Variants in NKX2-5 observed in about 807,000 individuals in gnomAD.
The protein encoded by NKX2-5 is homeobox protein Nkx-2.5.
A neutral mutation model predicts 24.5 loss-of-function variants in NKX2-5; 3 were observed. The ratio of observed to expected loss-of-function variants is 0.12; its 90% CI spans 0.06 to 0.32. The LOEUF (loss-of-function observed/expected upper bound fraction) is 0.32. Among genes scored for constraint, NKX2-5 ranks in the 10% least tolerant of loss-of-function variants. The probability of loss-of-function intolerance (pLI) is 1.00; values close to 1 mark genes in which losing one functional copy is unlikely to be tolerated. For missense variants in NKX2-5, 429 were observed against 452.4 expected, an observed-to-expected ratio of 0.95 and a Z score of 0.47; for synonymous variants, 215 against 217.6, an observed-to-expected ratio of 0.99 and a Z score of 0.11.
rs371380388 is a variant in NKX2-5, at chr5:173,232,639, G to A, written c.905C>T (p.Ala302Val). The part of the protein sequence containing the change: ...FVNFGVGDLN[A>V]VQSPGIPQSN... ...CTGCGGAATCCCGGGGCTCTGAACC[G>A]CATTCAAGTCCCCGACGCCGAAGTT... is the stretch of plus-strand genomic sequence containing the variant. The change falls in exon 2 of 2, where the codon GCG (alanine) becomes GTG (valine). Residue 302 changes from alanine to valine, a missense_variant. By Grantham distance (64) the Ala-to-Val change is moderately conservative (BLOSUM62 0). This residue lies in a region of NKX2-5 where 183 missense variants were observed against 185.9 expected (regional missense o/e 0.98). Coordinates refer to ENST00000329198, the MANE Select transcript of NKX2-5 (RefSeq NM_004387.4). The surrounding 1 kb of genome is among the most constrained non-coding windows in gnomAD (Gnocchi z 5.9). The A allele has an allele frequency of 2.5e-6, 4 of 1,613,104 alleles. No individual in the cohort carries two copies. Among genetic ancestry groups the A allele is most frequent in the South Asian group, 1.1e-5 (1 of 91,078 alleles).
In NKX2-5 at chr5:173,235,157, C is replaced by T; in HGVS notation, c.-74G>A. 5 of 1,452,406 alleles carry T rather than the reference C, an allele frequency of 3.4e-6. No homozygotes were observed. Among genetic ancestry groups the T allele is most frequent in the South Asian group, 1.4e-5 (1 of 73,980 alleles). 90.0% of individuals were successfully genotyped at this position (1,452,406 alleles called of 1,614,324 possible). ...CTGCCCACGGCCCCTGGCAGCTTCC[C>T]TGCATGGTGCCGCCGCCCGCCCGCG... On this transcript the variant is annotated 5_prime_UTR_variant, in exon 1 of 2. Coordinates refer to ENST00000329198, the MANE Select transcript of NKX2-5 (RefSeq NM_004387.4).
In NKX2-5 at chr5:173,235,151, G is replaced by A. The variant is rs1761450784; in HGVS notation, c.-68C>T. Reference sequence around the variant, plus strand: ...GCGGCGCTGCCCACGGCCCCTGGCAGCTTCCCTGCATGGTGCCGCCGCCCG... The same window carrying A: ...GCGGCGCTGCCCACGGCCCCTGGCAACTTCCCTGCATGGTGCCGCCGCCCG... On this transcript the variant is annotated 5_prime_UTR_variant, in exon 1 of 2. Coordinates refer to ENST00000329198, the MANE Select transcript of NKX2-5 (RefSeq NM_004387.4). 1.3e-6 allele frequency: 2 copies of A among 1,496,454 alleles called. No individual in the cohort carries two copies. Among genetic ancestry groups the A allele is most frequent in the African/African-American group, 2.8e-5 (2 of 70,358 alleles). 92.7% of individuals were successfully genotyped at this position (1,496,454 alleles called of 1,614,324 possible). A position where few individuals can be genotyped will look rare whatever the true frequency, so the allele number is the denominator to read the frequency against.
intron 1 of NKX2-5, chr5:173,233,482 C>T (rs1327614493): frequency 1.0e-5 from 11 of 1,048,712 alleles, no homozygotes; most frequent in East Asian, 2.7e-5. Context: ...GGGAGACAGA[C>T]GGTGACTTAA....
chr5:173,234,351 G>T, intron 1 of NKX2-5: 1 of 965,218 alleles, frequency 1.0e-6, no homozygotes, highest in Non-Finnish European at 1.2e-6. Context: ...TTTCTGTTTA[G>T]CGGTTCTCAT....
chr5:173,235,205 G>A lies in NKX2-5; in HGVS notation c.-122C>T. The stretch of plus-strand genomic sequence containing the variant: ...GCGCACCCGTCGGCCAGCTCTGGAT[G>A]TGTCCGGGCAGCAGGTAGCGCTGAG... On this transcript the variant is annotated 5_prime_UTR_variant, in exon 1 of 2. Transcript: ENST00000329198. The A allele has an allele frequency of 5.1e-6, 5 of 978,026 alleles. No homozygotes were observed. The highest frequency in any genetic ancestry group is 3.4e-4 in the Middle Eastern group (1 of 2,972). The allele number at this position is 978,026 out of a possible 1,614,324, so 60.6% of individuals were successfully genotyped here. A position where few individuals can be genotyped will look rare whatever the true frequency, so the allele number is the denominator to read the frequency against.
chr5:173,234,604 G>C (rs1761420206), intron 1 of NKX2-5, 146 bp downstream of exon 1: 2 of 719,656 alleles, frequency 2.8e-6, no homozygotes, highest in Non-Finnish European at 4.1e-6. Context: ...GGAGCCTGGC[G>C]ACAACACCAG....
Sources: gnomAD v4.1 joint callset for allele counts on GRCh38, gnomAD v4.1.1 for gene constraint, gnomAD v4.1.1 regional missense constraint, Gnocchi (gnomAD v3.1) non-coding constraint, MANE v1.5 for transcripts, NCBI Gene and HGNC (gene_info 2026-07-23, HGNC 2026-07-21) for gene names.